The following PKNOX2 variants were observed in gnomAD, a reference collection of about 807,000 sequenced individuals.
PKNOX2 encodes homeobox protein PKNOX2.
Under a neutral mutation model 53.1 loss-of-function variants are expected in PKNOX2, and 14 were observed. That is an observed-to-expected ratio of 0.26 (90% CI 0.17 to 0.41). The LOEUF (loss-of-function observed/expected upper bound fraction) is 0.41. Ranked by LOEUF, PKNOX2 falls within the 10% of genes least tolerant of loss-of-function variation. PKNOX2 has a pLI of 1.00. For synonymous variants in PKNOX2, 257 were observed against 242.8 expected (o/e 1.06, Z -0.54); for missense variants, 496 against 602.8 (o/e 0.82, Z 1.85).
chr11:125,245,215 A>G (rs945754434), intron 2 of PKNOX2, among the ~76,000 whole-genome samples: 5 of 152,084 alleles, frequency 3.3e-5, no homozygotes, highest in African/African-American at 1.2e-4. Flanking sequence ...GATCCCCATG[A>G]CTGTCAAGTG....
intron 1 of PKNOX2, among the ~76,000 whole-genome samples, chr11:125,178,209 G>A (rs547615327): frequency 6.4e-4 from 97 of 152,150 alleles, no homozygotes; most frequent in African/African-American, 2.2e-3. Context: ...GGAAATCAGT[G>A]GCAGAGGGTT....
Position 125,370,399 on chromosome 11 carries a change from G to A in PKNOX2, c.227+2414G>A, listed in dbSNP as rs992021057. On this transcript the variant is annotated intron_variant, in intron 5 of 12. Transcript: ENST00000298282. This position sits in a 1 kb window ranked among gnomAD's most constrained non-coding sequence, Gnocchi z 4.1. Reference sequence around the variant, plus strand: ...CTGCCCCCATGGGAGCCACCACATGGATGTCACTTGAAGAATGGCCTAGAC... The same window carrying A: ...CTGCCCCCATGGGAGCCACCACATGAATGTCACTTGAAGAATGGCCTAGAC... 2.0e-5 allele frequency among the ~76,000 whole-genome samples: 3 copies of A among 152,212 alleles called. No homozygotes were observed. Among genetic ancestry groups the A allele is most frequent in the African/African-American group, 7.2e-5 (3 of 41,450 alleles).
At position 125,187,299 on chromosome 11, in the gene PKNOX2, A is replaced by G. The variant is rs188282326; in HGVS notation, c.-201+22523A>G. On this transcript the variant is annotated intron_variant, in intron 1 of 12. Coordinates refer to ENST00000298282, the MANE Select transcript of PKNOX2 (RefSeq NM_001382323.2). ...TCTTTGAATCTGCAGATTGTTTGTT[A>G]GATGTATTGACATCTAAGCAATATT... Among the ~76,000 whole-genome samples, 29 of 152,160 alleles carry G rather than the reference A, an allele frequency of 1.9e-4. No individual in the cohort carries two copies. The East Asian group carries it at 5.6e-3, about 29-fold the overall frequency.
At chr11:125,180,570 G>A (rs2135270542) in intron 1 of PKNOX2, among the ~76,000 whole-genome samples, 1 of 152,272 alleles carries the variant, frequency 6.6e-6, no homozygotes, top group East Asian at 1.9e-4. Flanking sequence ...GGTACTTCAG[G>A]GGCTTGTGAA....
intron 1 of PKNOX2, among the ~76,000 whole-genome samples, chr11:125,224,410 C>T (rs577852221): frequency 5.3e-4 from 81 of 152,282 alleles, no homozygotes; most frequent in Non-Finnish European, 5.0e-4. Flanking sequence ...AGGAGCCATG[C>T]GCAGGTGAGG....
At chr11:125,276,973 T>C (rs533377516) in intron 2 of PKNOX2, among the ~76,000 whole-genome samples, 1 of 152,206 alleles carries the variant, frequency 6.6e-6, no homozygotes, top group Non-Finnish European at 1.5e-5. Context: ...AGCTGAAGTA[T>C]TGGATAGTGG....
At chr11:125,283,768 G>T (rs529715330) in intron 2 of PKNOX2, among the ~76,000 whole-genome samples, 1 of 152,192 alleles carries the variant, frequency 6.6e-6, no homozygotes, top group Admixed American at 6.5e-5. Context: ...TCCTCCTGGT[G>T]GTGGGGAGTG....
chr11:125,217,045 T>A, intron 1 of PKNOX2, among the ~76,000 whole-genome samples: 1 of 149,314 alleles, frequency 6.7e-6, no homozygotes, highest in East Asian at 2.0e-4. Context: ...ACAGTCTCTC[T>A]CACACACACA....
intron 1 of PKNOX2, among the ~76,000 whole-genome samples, chr11:125,173,273 C>T (rs1955455629): frequency 6.6e-6 from 1 of 152,218 alleles, no homozygotes; most frequent in African/African-American, 2.4e-5. Context: ...GTGTGATCCT[C>T]TTAGCCTTGT....
At chr11:125,336,768 A>G (rs1950452809) in intron 3 of PKNOX2, among the ~76,000 whole-genome samples, 1 of 147,164 alleles carries the variant, frequency 6.8e-6, no homozygotes, top group South Asian at 2.1e-4. Flanking sequence ...ATATAATACT[A>G]TACACTATAT....
intron 2 of PKNOX2, among the ~76,000 whole-genome samples, chr11:125,235,714 G>T (rs977786965): frequency 6.6e-6 from 1 of 152,138 alleles, no homozygotes; most frequent in Non-Finnish European, 1.5e-5. Flanking sequence ...GCCTTCCTAG[G>T]TAACGCCAGC....
chr11:125,398,743 C>A (rs764994046), intron 7 of PKNOX2, among the ~76,000 whole-genome samples: 1 of 152,226 alleles, frequency 6.6e-6, no homozygotes, highest in Non-Finnish European at 1.5e-5. Flanking sequence ...CCCAAACCTA[C>A]AAACCGAGAA....
intron 2 of PKNOX2, among the ~76,000 whole-genome samples, chr11:125,251,082 C>T (rs1452545860): frequency 1.3e-5 from 2 of 152,254 alleles, no homozygotes; most frequent in African/African-American, 4.8e-5. Flanking sequence ...AGGGGGCCAG[C>T]GGCCTGTAGC....
intron 5 of PKNOX2, among the ~76,000 whole-genome samples, chr11:125,379,837 C>A (rs1323607051): frequency 6.6e-6 from 1 of 152,174 alleles, no homozygotes; most frequent in Non-Finnish European, 1.5e-5. Context: ...ATGGCTTAAA[C>A]CCCTGTAGAA....
At chr11:125,346,688 G>A (rs187898173) in intron 3 of PKNOX2, among the ~76,000 whole-genome samples, 3 of 152,250 alleles carry the variant, frequency 2.0e-5, no homozygotes, top group East Asian at 1.9e-4. Flanking sequence ...TGTATGTGTC[G>A]GAGGACAGAC....
intron 1 of PKNOX2, among the ~76,000 whole-genome samples, chr11:125,207,783 C>T (rs1442655303): frequency 3.3e-5 from 5 of 151,880 alleles, no homozygotes; most frequent in Admixed American, 2.0e-4. Context: ...ATAAGCATGT[C>T]GGGGGCATGG....
At chr11:125,357,920 G>A (rs1296060253) in intron 4 of PKNOX2, among the ~76,000 whole-genome samples, 1 of 152,172 alleles carries the variant, frequency 6.6e-6, no homozygotes. Context: ...AGTGTGTCCT[G>A]TGGGCCATGC....
intron 5 of PKNOX2, among the ~76,000 whole-genome samples, chr11:125,375,024 A>G (rs1952759013): frequency 6.6e-6 from 1 of 152,132 alleles, no homozygotes. Context: ...GGCCTGAGCT[A>G]AGCCAGCTTC....
At chr11:125,349,837 T>TCACACACACACACACACA (rs60332384) in intron 3 of PKNOX2, among the ~76,000 whole-genome samples, 1 of 138,040 alleles carries the variant, frequency 7.2e-6, no homozygotes, top group Non-Finnish European at 1.6e-5. Context: ...ACCAAAAGAA[T>TCACACACACACACACACA]CACACACACA....
Sources: gnomAD v4.1 joint callset for allele counts (sites outside exome capture counted in the v4.1 genomes callset) on GRCh38, gnomAD v4.1.1 for gene constraint, Gnocchi (gnomAD v3.1) non-coding constraint, MANE v1.5 for transcripts, NCBI Gene and HGNC (gene_info 2026-07-23, HGNC 2026-07-21) for gene names.